Variants in KCNIP4 observed in about 807,000 individuals in gnomAD.
KCNIP4 encodes the protein Kv channel-interacting protein 4.
In KCNIP4, 12 loss-of-function variants were observed where a neutral mutation model predicts 34.0. The ratio of observed to expected loss-of-function variants is 0.35; its 90% CI spans 0.23 to 0.57. KCNIP4 has a LOEUF of 0.57. Among genes scored for constraint, KCNIP4 ranks in the 20% least tolerant of loss-of-function variants. KCNIP4 has a pLI of 0.83. For synonymous variants in KCNIP4, 124 were observed against 102.2 expected (o/e 1.21, Z -1.29); for missense variants, 238 against 311.7 (o/e 0.76, Z 1.78).
At chr4:21,168,738 G>A (rs1177657211) in intron 1 of KCNIP4, among the ~76,000 whole-genome samples, 1 of 152,070 alleles carries the variant, frequency 6.6e-6, no homozygotes, top group Non-Finnish European at 1.5e-5. Context: ...ACATTAGTCT[G>A]GAAAAAAATA....
chr4:20,778,417 A>G (rs1756569027), intron 3 of KCNIP4, among the ~76,000 whole-genome samples: 1 of 152,216 alleles, frequency 6.6e-6, no homozygotes, highest in African/African-American at 2.4e-5. Context: ...ATAGATGTCA[A>G]GATTGGAAAC....
chr4:21,090,613 C>T (rs1038675451), intron 1 of KCNIP4, among the ~76,000 whole-genome samples: 2 of 152,120 alleles, frequency 1.3e-5, no homozygotes, highest in Non-Finnish European at 2.9e-5. Context: ...ATTGTATGTT[C>T]CTCTCAAATA....
intron 1 of KCNIP4, among the ~76,000 whole-genome samples, chr4:21,668,210 G>A (rs1353558250): frequency 5.9e-5 from 9 of 152,184 alleles, no homozygotes; most frequent in Admixed American, 2.6e-4. Flanking sequence ...AGAGGGGAAC[G>A]TCACACCAGG....
intron 1 of KCNIP4, among the ~76,000 whole-genome samples, chr4:21,895,412 G>A (rs959336377): frequency 7.2e-5 from 11 of 152,074 alleles, no homozygotes; most frequent in African/African-American, 1.9e-4. Context: ...GCACAATACC[G>A]TGGTTGAAAA....
chr4:21,822,728 T>TC, intron 1 of KCNIP4, among the ~76,000 whole-genome samples: 1 of 151,520 alleles, frequency 6.6e-6, no homozygotes, highest in Middle Eastern at 3.4e-3. Context: ...CCTTTTTTTT[T>TC]TTTTTTTGAG....
At chr4:21,268,266 G>C (rs1329917742) in intron 1 of KCNIP4, among the ~76,000 whole-genome samples, 3 of 151,964 alleles carry the variant, frequency 2.0e-5, no homozygotes, top group African/African-American at 7.3e-5. Context: ...ATTTTGAAAT[G>C]ACTCTTTGCA....
chr4:21,734,161 A>G (rs936807048), intron 1 of KCNIP4, among the ~76,000 whole-genome samples: 2 of 152,168 alleles, frequency 1.3e-5, no homozygotes, highest in African/African-American at 2.4e-5. Context: ...GCTACCAAAG[A>G]AACTTGACAT....
intron 1 of KCNIP4, among the ~76,000 whole-genome samples, chr4:21,694,364 G>GAACT (rs2109049996): frequency 6.6e-6 from 1 of 152,196 alleles, no homozygotes; most frequent in East Asian, 1.9e-4. Context: ...ATCCTACAGT[G>GAACT]AACTGAGGCC....
chr4:20,753,577 T>G (rs536000606), intron 4 of KCNIP4, among the ~76,000 whole-genome samples: 16 of 152,306 alleles, frequency 1.1e-4, no homozygotes, highest in Admixed American at 2.6e-4. Flanking sequence ...TATTTCTTTT[T>G]CCTTTCCCAC....
At chr4:21,226,336 G>A (rs888304772) in intron 1 of KCNIP4, among the ~76,000 whole-genome samples, 8 of 95,514 alleles carry the variant, frequency 8.4e-5, no homozygotes, top group South Asian at 7.2e-4. Context: ...GGGAAGGAAG[G>A]GAAGGAAGAG....
At chr4:21,747,432 T>C (rs771631814) in intron 1 of KCNIP4, among the ~76,000 whole-genome samples, 7 of 152,126 alleles carry the variant, frequency 4.6e-5, no homozygotes, top group Non-Finnish European at 1.0e-4. Flanking sequence ...TCTGTGACTG[T>C]GAGAGAAATA....
At chr4:21,409,538 T>TA (rs1459824970) in intron 1 of KCNIP4, among the ~76,000 whole-genome samples, 1 of 152,182 alleles carries the variant, frequency 6.6e-6, no homozygotes, top group East Asian at 1.9e-4. Context: ...GCAACATTTA[T>TA]AAACAGTGCA....
At chr4:21,651,245 T>C (rs1747457206) in intron 1 of KCNIP4, among the ~76,000 whole-genome samples, 1 of 152,174 alleles carries the variant, frequency 6.6e-6, no homozygotes, top group Non-Finnish European at 1.5e-5. Context: ...TAATTCTGTC[T>C]ACCACATAAT....
In KCNIP4 at chr4:21,175,610, G is replaced by A. The variant is rs146873687; in HGVS notation, c.62-292901C>T. Among the ~76,000 whole-genome samples, 747 of 152,000 alleles carry A rather than the reference G, an allele frequency of 4.9e-3. 6 individuals are homozygous for A. Among genetic ancestry groups the A allele is most frequent in the African/African-American group, 0.017 (718 of 41,422 alleles). ...CAGTATCACTACTCTTGTGCTTTGG[G>A]GCCATGATTAAATAAAATAAGAGTT... On this transcript the variant is annotated intron_variant, in intron 1 of 8. Transcript: ENST00000382152.
rs181748007 is a variant in KCNIP4 at position 20,957,027 on chromosome 4, G to A, written c.62-74318C>T. Among the ~76,000 whole-genome samples the A allele has an allele frequency of 1.5e-3, 227 of 151,186 alleles. 1 individual carries two copies. Among genetic ancestry groups the A allele is most frequent in the Non-Finnish European group, 2.5e-3 (168 of 67,720 alleles). On this transcript the variant is annotated intron_variant, in intron 1 of 8. Coordinates refer to ENST00000382152, the MANE Select transcript of KCNIP4 (RefSeq NM_025221.6). Reference sequence around the variant, plus strand: ...AAGAAAGAAAGAACATTAAAGAGAAGGAAGACAAGGAAAAAGAAAGAATAG... The same window carrying A: ...AAGAAAGAAAGAACATTAAAGAGAAAGAAGACAAGGAAAAAGAAAGAATAG...
intron 1 of KCNIP4, among the ~76,000 whole-genome samples, chr4:21,876,206 G>T (rs1726098811): frequency 6.6e-6 from 1 of 152,168 alleles, no homozygotes; most frequent in Non-Finnish European, 1.5e-5. Context: ...ATGTAGAAAT[G>T]GGTCAAATAC....
intron 1 of KCNIP4, among the ~76,000 whole-genome samples, chr4:21,019,531 G>C (rs1739858968): frequency 6.6e-6 from 1 of 152,106 alleles, no homozygotes; most frequent in Non-Finnish European, 1.5e-5. Flanking sequence ...GAGTTACTGG[G>C]AGTGAGGACT....
intron 1 of KCNIP4, among the ~76,000 whole-genome samples, chr4:21,907,458 T>C (rs1045517539): frequency 6.6e-6 from 1 of 152,150 alleles, no homozygotes; most frequent in Non-Finnish European, 1.5e-5. Context: ...TGCTACAAAT[T>C]ATCCAGCCTC....
At position 21,577,951 on chromosome 4, in the gene KCNIP4, T is replaced by G. The variant is rs534217036; in HGVS notation, c.61+370620A>C. Among the ~76,000 whole-genome samples, 314 of 152,312 alleles carry G rather than the reference T, an allele frequency of 2.1e-3. 1 individual carries two copies. Among genetic ancestry groups the G allele is most frequent in the African/African-American group, 7.0e-3 (290 of 41,564 alleles). On this transcript the variant is annotated intron_variant, in intron 1 of 8. Coordinates refer to ENST00000382152, the MANE Select transcript of KCNIP4 (RefSeq NM_025221.6). ...TTCTTACATATATTCTGGAGAATTG[T>G]TTTAGAAAACTCACAAGTTTAACAT...
Sources: gnomAD v4.1 joint callset for allele counts (sites outside exome capture counted in the v4.1 genomes callset) on GRCh38, gnomAD v4.1.1 for gene constraint, MANE v1.5 for transcripts, NCBI Gene and HGNC (gene_info 2026-07-23, HGNC 2026-07-21) for gene names.